Variants in PTPRR observed in about 807,000 individuals in gnomAD.
The protein encoded by PTPRR is receptor-type tyrosine-protein phosphatase R.
A neutral mutation model predicts 77.2 loss-of-function variants in PTPRR; 38 were observed. The ratio of observed to expected loss-of-function variants is 0.49; its 90% CI spans 0.38 to 0.65. The LOEUF is 0.65. PTPRR is among the 30% of genes least tolerant of loss of function. PTPRR has a pLI of 0.00. For missense variants in PTPRR, 744 were observed against 799.2 expected (o/e 0.93, Z 0.83); for synonymous variants, 299 against 283.1 (o/e 1.06, Z -0.57).
At chr12:70,744,324 C>CA (rs1365160552) in intron 6 of PTPRR, among the ~76,000 whole-genome samples, 2 of 152,132 alleles carry the variant, frequency 1.3e-5, no homozygotes, top group Non-Finnish European at 2.9e-5. Context: ...TACCTTTCCA[C>CA]ACTGAATCAC....
chr12:70,672,505 C>T (rs1320760339), intron 10 of PTPRR: 8 of 1,216,280 alleles, frequency 6.6e-6, no homozygotes, highest in Non-Finnish European at 9.7e-6. Flanking sequence ...TCATGACTGG[C>T]AAATGAGACA....
At chr12:70,844,539 A>G (rs1487395739) in intron 2 of PTPRR, among the ~76,000 whole-genome samples, 3 of 152,160 alleles carry the variant, frequency 2.0e-5, no homozygotes, top group Non-Finnish European at 4.4e-5. Flanking sequence ...CGAGTAGAAT[A>G]GTGGTTACTC....
chr12:70,702,136 G>C (rs1020182324), intron 6 of PTPRR, among the ~76,000 whole-genome samples: 1 of 152,142 alleles, frequency 6.6e-6, no homozygotes, highest in African/African-American at 2.4e-5. Flanking sequence ...CTTAAAATGA[G>C]TTACAATTTA....
At chr12:70,748,601 G>A (rs1467143436) in intron 5 of PTPRR, among the ~76,000 whole-genome samples, 1 of 152,068 alleles carries the variant, frequency 6.6e-6, no homozygotes, top group Non-Finnish European at 1.5e-5. Context: ...ACTATAGCAA[G>A]AGAAAGAAAA....
At chr12:70,767,607 G>A (rs1174348228) in intron 2 of PTPRR, among the ~76,000 whole-genome samples, 1 of 152,046 alleles carries the variant, frequency 6.6e-6, no homozygotes, top group Non-Finnish European at 1.5e-5. Context: ...ACAGATCAAC[G>A]AGATAGAAAG....
chr12:70,851,180 C>A (rs556725149), intron 2 of PTPRR, among the ~76,000 whole-genome samples: 8 of 152,176 alleles, frequency 5.3e-5, no homozygotes, highest in Non-Finnish European at 5.9e-5. Context: ...AGAGTCAAAG[C>A]CAGAATTTGG....
intron 1 of PTPRR, among the ~76,000 whole-genome samples, chr12:70,896,163 G>A (rs568782987): frequency 8.1e-4 from 123 of 151,680 alleles, no homozygotes; most frequent in African/African-American, 2.5e-3. Context: ...GACATATGAT[G>A]CAATGTACAT....
chr12:70,785,750 C>T (rs995314901), intron 2 of PTPRR, among the ~76,000 whole-genome samples: 14 of 152,222 alleles, frequency 9.2e-5, no homozygotes, highest in South Asian at 4.1e-4. Context: ...ACAGATTTAA[C>T]GCAAAGTTCC....
intron 13 of PTPRR, among the ~76,000 whole-genome samples, chr12:70,641,160 CCA>C (rs1305948122): frequency 6.6e-6 from 1 of 152,170 alleles, no homozygotes; most frequent in African/African-American, 2.4e-5. Context: ...TTGGGAGACA[CCA>C]CCACAGTAAA....
intron 13 of PTPRR, among the ~76,000 whole-genome samples, chr12:70,656,414 G>A (rs1458982407): frequency 6.6e-6 from 1 of 151,898 alleles, no homozygotes; most frequent in Non-Finnish European, 1.5e-5. Flanking sequence ...TGTAGTCCTA[G>A]CTACGTGCGG....
intron 10 of PTPRR, among the ~76,000 whole-genome samples, chr12:70,669,600 T>C (rs1489425583): frequency 7.0e-6 from 1 of 142,770 alleles, no homozygotes; most frequent in Admixed American, 7.0e-5. Context: ...GCTTGCACAC[T>C]GTCAGCCAGG....
chr12:70,672,310 C>G, intron 10 of PTPRR: 1 of 1,579,560 alleles, frequency 6.3e-7, no homozygotes, highest in South Asian at 1.1e-5. Flanking sequence ...CGGAACCGAT[C>G]AACTTCAGCA....
At chr12:70,816,363 C>T (rs970953368) in intron 2 of PTPRR, among the ~76,000 whole-genome samples, 1 of 151,882 alleles carries the variant, frequency 6.6e-6, no homozygotes, top group Non-Finnish European at 1.5e-5. Context: ...GTAGTCACCA[C>T]CATAAAACAA....
At chr12:70,765,018 A>T (rs1350363871) in intron 2 of PTPRR, among the ~76,000 whole-genome samples, 1 of 152,160 alleles carries the variant, frequency 6.6e-6, no homozygotes, top group Non-Finnish European at 1.5e-5. Context: ...AAGATGTATT[A>T]TAGGGGTGGA....
At chr12:70,902,691 T>G (rs1446533381) in intron 1 of PTPRR, among the ~76,000 whole-genome samples, 1 of 151,456 alleles carries the variant, frequency 6.6e-6, no homozygotes, top group Admixed American at 6.6e-5. Flanking sequence ...GCTATGAGGA[T>G]GCAAAGCCAT....
chr12:70,662,744 A>G (rs1592646955), intron 10 of PTPRR, 139 bp from the exon 11 acceptor site: 1 of 534,906 alleles, frequency 1.9e-6, no homozygotes, highest in East Asian at 3.0e-5. Flanking sequence ...TTGTAAATAT[A>G]CTAAAACCAT....
At chr12:70,645,943 C>T (rs1257937467) in intron 13 of PTPRR, among the ~76,000 whole-genome samples, 2 of 152,148 alleles carry the variant, frequency 1.3e-5, no homozygotes, top group Admixed American at 6.5e-5. Flanking sequence ...CCTTTTGTGA[C>T]TATTCACTCA....
At chr12:70,760,378 A>G (rs1890665433) in intron 4 of PTPRR, among the ~76,000 whole-genome samples, 1 of 152,152 alleles carries the variant, frequency 6.6e-6, no homozygotes, top group Admixed American at 6.5e-5. Flanking sequence ...CCTCCCCAGT[A>G]GTTAGGATTA....
intron 2 of PTPRR, among the ~76,000 whole-genome samples, chr12:70,801,175 T>C (rs1356829271): frequency 6.6e-6 from 1 of 152,232 alleles, no homozygotes; most frequent in Non-Finnish European, 1.5e-5. Flanking sequence ...TTCCTTTATA[T>C]ATCTGTTGTT....
Sources: allele counts gnomAD v4.1 joint callset (sites outside exome capture counted in the v4.1 genomes callset), GRCh38; gene constraint gnomAD v4.1.1; transcripts MANE v1.5; gene names NCBI Gene and HGNC (gene_info 2026-07-23, HGNC 2026-07-21).